The following DPP9 variants were observed in gnomAD, a reference collection of about 807,000 sequenced individuals.
DPP9 encodes dipeptidyl peptidase 9.
DPP9 carries 50 observed loss-of-function variants against 110.7 expected under a neutral mutation model. The ratio of observed to expected loss-of-function variants is 0.45; its 90% confidence interval spans 0.36 to 0.57. DPP9 has a LOEUF of 0.57. DPP9 is among the 20% of genes least tolerant of loss of function. The probability of loss-of-function intolerance (pLI) is 0.00; values close to 1 mark genes in which losing one functional copy is unlikely to be tolerated. For synonymous variants in DPP9, 561 were observed against 514.4 expected (o/e 1.09, Z -1.23); for missense variants, 1,022 against 1,217.9 (o/e 0.84, Z 2.39).
chr19:4,684,893 C>G lies in DPP9; in HGVS notation c.2032-84G>C, dbSNP rs557016387. The stretch of plus-strand genomic sequence containing the variant: ...AGGGGAGATGCCGGTGGGCTGGGGA[C>G]CGGGCCGGGCTGGGGCCTCAGAGCC... On this transcript the variant is annotated intron_variant, in intron 17 of 21. Transcript: ENST00000262960. The surrounding 1 kb of genome is among the most constrained non-coding windows in gnomAD (Gnocchi z 4.8). 4.8e-5 allele frequency: 73 copies of G among 1,529,648 alleles called. No homozygotes were observed. Among genetic ancestry groups the G allele is most frequent in the Non-Finnish European group, 6.2e-5 (70 of 1,130,474 alleles). The allele number at this position is 1,529,648 out of a possible 1,614,324, so 94.8% of individuals were successfully genotyped here.
At position 4,714,332 on chromosome 19, in the gene DPP9, G is replaced by A. The variant is rs776335771; in HGVS notation, c.62C>T (p.Ser21Leu). The change falls in exon 4 of 22, where the codon TCG (serine) becomes TTG (leucine). Residue 21 changes from serine to leucine, a missense_variant. Coordinates refer to ENST00000262960, the MANE Select transcript of DPP9 (RefSeq NM_139159.5). Reference protein sequence around the residue: ...KENTGSWRSFSLNSEGAERMA... With the variant: ...KENTGSWRSFLLNSEGAERMA... ...CCTCTCAGCCCCCTCGGAATTCAGCGAGAAGCTGCGGGGAGGAAGCAAAGA... is the reference window on the plus strand; with the variant it reads ...CCTCTCAGCCCCCTCGGAATTCAGCAAGAAGCTGCGGGGAGGAAGCAAAGA... 1.7e-4 allele frequency: 262 copies of A among 1,497,994 alleles called. 1 individual carries two copies. Among genetic ancestry groups the A allele is most frequent in the Middle Eastern group, 3.5e-4 (2 of 5,732 alleles). 92.8% of individuals were successfully genotyped at this position (1,497,994 alleles called of 1,614,324 possible).
At position 4,694,112 on chromosome 19, in the gene DPP9, G is replaced by A. The variant is rs1193507874; in HGVS notation, c.1516+549C>T. On this transcript the variant is annotated intron_variant, in intron 13 of 21. Coordinates refer to ENST00000262960, the MANE Select transcript of DPP9 (RefSeq NM_139159.5). The surrounding 1 kb of genome is among the most constrained non-coding windows in gnomAD (Gnocchi z 4.0). ...CACCTCTAACTGTTTCTGGAATACT[G>A]CCTCCTCCACTAGAAGGTCCCAAGA... 6.6e-6 allele frequency among the ~76,000 whole-genome samples: 1 copy of A among 150,974 alleles called. No individual in the cohort carries two copies. Among genetic ancestry groups the A allele is most frequent in the African/African-American group, 2.4e-5 (1 of 41,368 alleles).
chr19:4,691,665 C>A (rs2091330143), intron 13 of DPP9, among the ~76,000 whole-genome samples: 1 of 148,906 alleles, frequency 6.7e-6, no homozygotes, highest in Non-Finnish European at 1.5e-5. Context: ...CTTTGTAAAA[C>A]CAGACTTTTT....
At position 4,705,903 on chromosome 19, in the gene DPP9, C is replaced by T; in HGVS notation, c.381G>A (p.Glu127=). The change falls in exon 5 of 22, where the codon GAG becomes GAA. Residue 127 remains glutamate, a synonymous_variant. Coordinates refer to ENST00000262960, the MANE Select transcript of DPP9 (RefSeq NM_139159.5). ...YSEIPKKVRK[E]ALLLLSWKQM... is the part of the protein sequence containing the mutation. ...GCTTCCAGGACAGGAGCAGCAGAGC[C>T]TCTTTCCGGACCTTCTTGGGAATCT... is the stretch of plus-strand genomic sequence containing the variant. 6.2e-7 allele frequency: 1 copy of T among 1,614,012 alleles called. No homozygotes were observed. The highest frequency in any genetic ancestry group is 8.5e-7 in the Non-Finnish European group (1 of 1,179,860).
At position 4,679,831 on chromosome 19, in the gene DPP9, C is replaced by T. The variant is rs200371733; in HGVS notation, c.2586+4G>A. 19 of 1,602,610 alleles carry T rather than the reference C, an allele frequency of 1.2e-5. No individual in the cohort carries two copies. The East Asian group carries it at 2.5e-4, about 21-fold the overall frequency. On this transcript the variant is annotated splice_donor_region_variant and intron_variant, in intron 21 of 21. Coordinates refer to ENST00000262960, the MANE Select transcript of DPP9 (RefSeq NM_139159.5). ...AGGGGCCGAAGCCCCCAACAGCCAC[C>T]CACCTGGAGCTGGTAAGGTTTCCCT...
rs202247368 is a variant in DPP9, at chr19:4,684,853, C to A, written c.2032-44G>T. On this transcript the variant is annotated intron_variant, in intron 17 of 21. Coordinates refer to ENST00000262960, the MANE Select transcript of DPP9 (RefSeq NM_139159.5). The surrounding 1 kb of genome is among the most constrained non-coding windows in gnomAD (Gnocchi z 4.8). ...CAGCAGTCCAGCACGAGATGCCGGGCAGGACGGGCCTGGCAGGGGAGATGC... is the reference window on the plus strand; with the variant it reads ...CAGCAGTCCAGCACGAGATGCCGGGAAGGACGGGCCTGGCAGGGGAGATGC... The A allele has an allele frequency of 5.8e-6, 9 of 1,564,328 alleles. No homozygotes were observed. The highest frequency in any genetic ancestry group is 7.8e-6 in the Non-Finnish European group (9 of 1,155,282).
chr19:4,712,412 T>C (rs911542662), intron 4 of DPP9, among the ~76,000 whole-genome samples: 3 of 152,068 alleles, frequency 2.0e-5, no homozygotes, highest in Admixed American at 6.6e-5. Flanking sequence ...TGTCTGGGCA[T>C]GGTGGCACGT....
intron 20 of DPP9, among the ~76,000 whole-genome samples, chr19:4,680,210 T>TGG (rs1445980359): frequency 7.5e-6 from 1 of 133,922 alleles, no homozygotes; most frequent in Non-Finnish European, 1.5e-5. Context: ...CACTCCAGCC[T>TGG]GGGCGACAGA....
chr19:4,678,556 G>T (rs1050830086), intron 21 of DPP9, among the ~76,000 whole-genome samples: 1 of 152,186 alleles, frequency 6.6e-6, no homozygotes, highest in African/African-American at 2.4e-5. Flanking sequence ...GTGGGCTCGG[G>T]TCTCAGGCTG....
At position 4,700,089 on chromosome 19, in the gene DPP9, G is replaced by A. The variant is rs550026967; in HGVS notation, c.1074+127C>T. 79 of 641,962 alleles carry A rather than the reference G, an allele frequency of 1.2e-4. No individual in the cohort carries two copies. In the African/African-American group the frequency reaches 1.2e-3, roughly 10 times the overall value. The allele number at this position is 641,962 out of a possible 1,614,324, so 39.8% of individuals were successfully genotyped here. A position where few individuals can be genotyped will look rare whatever the true frequency, so the allele number is the denominator to read the frequency against. ...AGGCCTGTGGCTAGGCGGACCGGGC[G>A]GCAGGGCTGGGGCCTGGGGAGTGCC... On this transcript the variant is annotated intron_variant, in intron 10 of 21. Coordinates refer to ENST00000262960, the MANE Select transcript of DPP9 (RefSeq NM_139159.5). This position sits in a 1 kb window ranked among gnomAD's most constrained non-coding sequence, Gnocchi z 4.3.
chr19:4,680,413 A>G (rs1162127437), intron 20 of DPP9, among the ~76,000 whole-genome samples: 3 of 56,452 alleles, frequency 5.3e-5, no homozygotes, highest in African/African-American at 4.2e-4. Context: ...TCTAAATTAG[A>G]AAAACAAAAA....
chr19:4,690,003 T>A (rs905606889), intron 14 of DPP9, among the ~76,000 whole-genome samples: 2 of 152,224 alleles, frequency 1.3e-5, no homozygotes, highest in East Asian at 3.9e-4. Flanking sequence ...CTAGCTTGAA[T>A]TGGGAGGGCC....
rs888790035 is a variant in DPP9, at chr19:4,682,631, G to A, written c.2474+65C>T. 4 of 1,574,632 alleles carry A rather than the reference G, an allele frequency of 2.5e-6. No homozygotes were observed. Among genetic ancestry groups the A allele is most frequent in the Admixed American group, 1.8e-5 (1 of 55,008 alleles). On this transcript the variant is annotated intron_variant, in intron 20 of 21. Coordinates refer to ENST00000262960, the MANE Select transcript of DPP9 (RefSeq NM_139159.5). The surrounding 1 kb of genome is among the most constrained non-coding windows in gnomAD (Gnocchi z 7.1). ...TGGGGCAGGAGGGCACCCTCATAGA[G>A]ACAGCTGGTGCCGGGGTGCAGGAGA...
chr19:4,703,701 G>T (rs1322509657), intron 7 of DPP9, among the ~76,000 whole-genome samples, 185 bp downstream of exon 7: 1 of 150,402 alleles, frequency 6.6e-6, no homozygotes, highest in Non-Finnish European at 1.5e-5. Flanking sequence ...AAGAAAGAAA[G>T]AAAACTACAG....
chr19:4,714,036 C>A, intron 4 of DPP9, 45 bp downstream of exon 4: 9 of 1,562,752 alleles, frequency 5.8e-6, no homozygotes, highest in South Asian at 1.2e-5. Flanking sequence ...GAACTGTGGT[C>A]CCAGATGCTG....
Position 4,698,277 on chromosome 19 carries a change from G to A in DPP9, c.1075-626C>T, listed in dbSNP as rs1461231259. Among the ~76,000 whole-genome samples the A allele has an allele frequency of 1.3e-5, 2 of 152,104 alleles. No homozygotes were observed. The highest frequency in any genetic ancestry group is 1.9e-4 in the East Asian group (1 of 5,192). Reference sequence around the variant, plus strand: ...GAGATAGGGGACCTGAGCCTTCCTCGTGTCTAAATGGGGCTGGCACAGCAT... The same window carrying A: ...GAGATAGGGGACCTGAGCCTTCCTCATGTCTAAATGGGGCTGGCACAGCAT... On this transcript the variant is annotated intron_variant, in intron 10 of 21. Coordinates refer to ENST00000262960, the MANE Select transcript of DPP9 (RefSeq NM_139159.5). The surrounding 1 kb of genome is among the most constrained non-coding windows in gnomAD (Gnocchi z 4.2).
Position 4,689,564 on chromosome 19 carries a change from TC to T in DPP9, c.1749+5del. On this transcript the variant is annotated splice_donor_5th_base_variant and intron_variant, in intron 15 of 21. Transcript: ENST00000262960. This position sits in a 1 kb window ranked among gnomAD's most constrained non-coding sequence, Gnocchi z 7.0. ...AGGGCGGTGCCGTGAGGCTGGGCGGTCCCACCTGGCTCATGGAGCAGCTATG... is the reference window on the plus strand; with the variant it reads ...AGGGCGGTGCCGTGAGGCTGGGCGGTCCACCTGGCTCATGGAGCAGCTATG... 6.4e-7 allele frequency: 1 copy of T among 1,555,164 alleles called. No individual in the cohort carries two copies. Among genetic ancestry groups the T allele is most frequent in the Non-Finnish European group, 8.7e-7 (1 of 1,153,444 alleles).
intron 8 of DPP9, 107 bp from the exon 9 acceptor site, chr19:4,702,262 G>A: frequency 7.0e-7 from 1 of 1,420,762 alleles, no homozygotes. Flanking sequence ...GGCACCGAGG[G>A]CTCTGAAACC....
intron 4 of DPP9, among the ~76,000 whole-genome samples, chr19:4,709,465 G>A (rs553863896): frequency 2.2e-4 from 34 of 152,252 alleles, no homozygotes; most frequent in African/African-American, 7.5e-4. Flanking sequence ...GCAAAAGAAC[G>A]CAAGTGCTGG....
Sources: gnomAD v4.1 joint callset for allele counts (sites outside exome capture counted in the v4.1 genomes callset) on GRCh38, gnomAD v4.1.1 for gene constraint, Gnocchi (gnomAD v3.1) non-coding constraint, MANE v1.5 for transcripts, NCBI Gene and HGNC (gene_info 2026-07-23, HGNC 2026-07-21) for gene names.